SMYD3: variants seen among roughly 807,000 people sequenced by gnomAD.
SMYD3 encodes histone-lysine N-methyltransferase SMYD3.
A neutral mutation model predicts 57.7 loss-of-function variants in SMYD3; 36 were observed. The observed-to-expected ratio is 0.62, with a 90% CI of 0.48 to 0.82. The LOEUF (loss-of-function observed/expected upper bound fraction) is 0.82. SMYD3 is among the 40% of genes least tolerant of loss of function. The pLI is 0.00. For synonymous variants in SMYD3, 211 were observed against 195.0 expected (o/e 1.08, Z -0.68); for missense variants, 515 against 538.8 (o/e 0.96, Z 0.44).
chr1:245,986,076 G>A (rs7542742), intron 5 of SMYD3, among the ~76,000 whole-genome samples: 2,093 of 152,298 alleles, frequency 0.014, 49 homozygotes, highest in African/African-American at 0.047. Context: ...GAGTAAGCGA[G>A]TCTACCAAAC....
At chr1:245,760,107 T>C (rs4654083) in intron 11 of SMYD3, among the ~76,000 whole-genome samples, 5,138 of 152,292 alleles carry the variant, frequency 0.034, 208 homozygotes, top group Admixed American at 0.11. Context: ...CCAGTGGAAA[T>C]GGAAGACTAA....
intron 1 of SMYD3, among the ~76,000 whole-genome samples, chr1:246,470,498 A>C (rs1383866683): frequency 1.1e-5 from 1 of 92,436 alleles, no homozygotes; most frequent in Non-Finnish European, 2.3e-5. Flanking sequence ...CTGTCTAAAA[A>C]TAAAAAAAAA....
chr1:246,413,641 T>C (rs1378033513), intron 1 of SMYD3, among the ~76,000 whole-genome samples: 6 of 152,028 alleles, frequency 3.9e-5, no homozygotes. Context: ...TCAAAGTGTA[T>C]GATGCCCCAC....
intron 5 of SMYD3, among the ~76,000 whole-genome samples, chr1:245,997,547 T>C (rs1483912156): frequency 6.6e-6 from 1 of 152,214 alleles, no homozygotes; most frequent in East Asian, 1.9e-4. Flanking sequence ...TGGCAGGGAT[T>C]ATCTCCCCTG....
intron 1 of SMYD3, among the ~76,000 whole-genome samples, chr1:246,448,218 A>T (rs141998651): frequency 6.6e-6 from 1 of 152,206 alleles, no homozygotes; most frequent in East Asian, 1.9e-4. Context: ...CTCCGTCTCA[A>T]AAAAAAATAA....
At chr1:245,874,338 C>T (rs575760424) in intron 8 of SMYD3, among the ~76,000 whole-genome samples, 9 of 152,144 alleles carry the variant, frequency 5.9e-5, no homozygotes, top group African/African-American at 9.7e-5. Flanking sequence ...TCTGCTAAAG[C>T]GAGCACATCA....
chr1:245,836,612 C>CA (rs1428726162), intron 10 of SMYD3, among the ~76,000 whole-genome samples: 4 of 152,204 alleles, frequency 2.6e-5, no homozygotes, highest in African/African-American at 9.7e-5. Context: ...ACATGTGAAG[C>CA]TGCTGACAGA....
intron 5 of SMYD3, among the ~76,000 whole-genome samples, chr1:246,259,925 G>A (rs1228450366): frequency 6.6e-6 from 1 of 152,232 alleles, no homozygotes; most frequent in Admixed American, 6.5e-5. Context: ...AATGGGGGAT[G>A]CCCTAAACTC....
At chr1:246,259,369 T>A (rs1209853896) in intron 5 of SMYD3, among the ~76,000 whole-genome samples, 1 of 152,194 alleles carries the variant, frequency 6.6e-6, no homozygotes, top group African/African-American at 2.4e-5. Context: ...TTCATGTAGG[T>A]AGGATGTTTC....
chr1:246,301,964 C>G (rs2064897796), intron 5 of SMYD3, among the ~76,000 whole-genome samples: 1 of 152,136 alleles, frequency 6.6e-6, no homozygotes, highest in South Asian at 2.1e-4. Context: ...ATCATCCCTT[C>G]CTCATTATCT....
intron 5 of SMYD3, among the ~76,000 whole-genome samples, chr1:246,163,705 C>G (rs1039720070): frequency 2.0e-5 from 3 of 152,200 alleles, no homozygotes; most frequent in Non-Finnish European, 4.4e-5. Flanking sequence ...AATTTAGCTA[C>G]TGTCACTTTA....
chr1:246,480,902 G>A (rs1003862354), intron 1 of SMYD3, among the ~76,000 whole-genome samples: 12 of 151,932 alleles, frequency 7.9e-5, no homozygotes, highest in Admixed American at 1.3e-4. Context: ...AGGTTCAAGC[G>A]ATTCTCCTGC....
intron 5 of SMYD3, among the ~76,000 whole-genome samples, chr1:246,097,088 A>G (rs1329144595): frequency 6.6e-6 from 1 of 152,236 alleles, no homozygotes; most frequent in Non-Finnish European, 1.5e-5. Context: ...ATTCTTAAAT[A>G]TTTGGAAAAT....
chr1:245,833,073 A>AAAAAAAAAAAAAAAAAAAAAAAAC, intron 10 of SMYD3, among the ~76,000 whole-genome samples: 10 of 128,666 alleles, frequency 7.8e-5, no homozygotes, highest in East Asian at 6.7e-4. Flanking sequence ...AAAAAAAAAA[A>AAAAAAAAAAAAAAAAAAAAAAAAC]AACCTGCTTT....
intron 8 of SMYD3, among the ~76,000 whole-genome samples, chr1:245,864,159 A>G (rs1409050220): frequency 6.6e-6 from 1 of 152,178 alleles, no homozygotes; most frequent in Non-Finnish European, 1.5e-5. Flanking sequence ...AGAATGCAAA[A>G]TGGTAGCTTT....
At chr1:246,300,223 T>G (rs2064869962) in intron 5 of SMYD3, among the ~76,000 whole-genome samples, 1 of 152,132 alleles carries the variant, frequency 6.6e-6, no homozygotes, top group East Asian at 1.9e-4. Flanking sequence ...TTACTTACTT[T>G]AACTTTTCAT....
At chr1:245,965,244 T>C (rs2058110874) in intron 5 of SMYD3, among the ~76,000 whole-genome samples, 2 of 152,222 alleles carry the variant, frequency 1.3e-5, no homozygotes, top group Non-Finnish European at 2.9e-5. Flanking sequence ...ATGACAGTGA[T>C]GATTCCAAAG....
intron 10 of SMYD3, among the ~76,000 whole-genome samples, chr1:245,822,656 C>T (rs949915345): frequency 2.6e-5 from 4 of 152,150 alleles, no homozygotes; most frequent in Middle Eastern, 3.4e-3. Flanking sequence ...ATCCTTTGCA[C>T]GATGCTAACT....
chr1:246,395,333 A>G (rs893248024), intron 1 of SMYD3, among the ~76,000 whole-genome samples: 3 of 152,242 alleles, frequency 2.0e-5, no homozygotes, highest in African/African-American at 7.2e-5. Flanking sequence ...AAATGTTTCA[A>G]TGAAATGTTT....
Sources: gnomAD v4.1 joint callset for allele counts (sites outside exome capture counted in the v4.1 genomes callset) on GRCh38, gnomAD v4.1.1 for gene constraint, MANE v1.5 for transcripts, NCBI Gene and HGNC (gene_info 2026-07-23, HGNC 2026-07-21) for gene names.